The following TANC1 variants were observed in gnomAD, a reference collection of about 807,000 sequenced individuals.
The protein encoded by TANC1 is protein TANC1.
A neutral mutation model predicts 149.7 loss-of-function variants in TANC1; 77 were observed. The observed-to-expected ratio is 0.51, with a 90% CI of 0.43 to 0.62. The LOEUF is 0.62. Among genes scored for constraint, TANC1 ranks in the 20% least tolerant of loss-of-function variants. TANC1 has a pLI of 0.00. For synonymous variants in TANC1, 854 were observed against 925.0 expected (o/e 0.92, Z 1.39); for missense variants, 1,985 against 2,321.8 (o/e 0.85, Z 2.98).
intron 1 of TANC1, among the ~76,000 whole-genome samples, chr2:158,981,491 TTATATATA>T (rs10602195): frequency 0.11 from 3,903 of 34,136 alleles, 239 homozygotes; most frequent in African/African-American, 0.2. Context: ...TATATAGCTT[TTATATATA>T]TATATATATA....
At chr2:159,187,133 G>T in intron 16 of TANC1, 109 bp downstream of exon 16, 2 of 1,307,132 alleles carry the variant, frequency 1.5e-6, no homozygotes. Context: ...AGAGGACGCA[G>T]AGGAGCTTCT....
chr2:159,115,035 T>G (rs539747214), intron 4 of TANC1, among the ~76,000 whole-genome samples: 2 of 152,302 alleles, frequency 1.3e-5, no homozygotes, highest in East Asian at 3.9e-4. Flanking sequence ...GATATAAAGG[T>G]AAATAAATAC....
chr2:158,991,005 T>C (rs886908204), intron 1 of TANC1, among the ~76,000 whole-genome samples: 13 of 149,896 alleles, frequency 8.7e-5, no homozygotes, highest in African/African-American at 3.0e-4. Flanking sequence ...CCTGGGAGGA[T>C]TGCTTGAGCC....
intron 5 of TANC1, among the ~76,000 whole-genome samples, chr2:159,136,661 C>T (rs554218908): frequency 6.6e-6 from 1 of 151,934 alleles, no homozygotes; most frequent in South Asian, 2.1e-4. Context: ...CAGGCTTTGG[C>T]TGAAAAGCTG....
chr2:159,141,702 A>G (rs1048768338), intron 5 of TANC1, among the ~76,000 whole-genome samples: 5 of 152,232 alleles, frequency 3.3e-5, no homozygotes, highest in Non-Finnish European at 7.3e-5. Flanking sequence ...CTTGGAAGTA[A>G]TGCTGTGAGA....
intron 1 of TANC1, among the ~76,000 whole-genome samples, chr2:158,969,664 A>G (rs996233029): frequency 2.6e-5 from 4 of 152,188 alleles, no homozygotes; most frequent in African/African-American, 9.6e-5. Flanking sequence ...AGCTCTAGGC[A>G]TTGTGTGGTG....
chr2:159,065,550 T>G (rs574805181), intron 2 of TANC1, among the ~76,000 whole-genome samples: 2 of 152,216 alleles, frequency 1.3e-5, no homozygotes, highest in East Asian at 3.8e-4. Flanking sequence ...TGAACTGGGA[T>G]TGGGAAACTG....
Position 159,230,194 on chromosome 2 carries a change from A to G in TANC1, c.4768A>G (p.Thr1590Ala), listed in dbSNP as rs1575397600. The change falls in exon 27 of 27, where the codon ACA becomes GCA. Residue 1590 changes from threonine (T) to alanine (A), a missense_variant. This residue lies in a region of TANC1 where 920 missense variants were observed against 994.7 expected (regional missense o/e 0.92). Coordinates refer to ENST00000263635, the MANE Select transcript of TANC1 (RefSeq NM_033394.3). This position sits in a 1 kb window ranked among gnomAD's most constrained non-coding sequence, Gnocchi z 4.4. ...QHLEGTGTFT[T>A]RAGCGHFGDR... ...TTTAGAGGGAACAGGTACTTTCACT[A>G]CAAGAGCTGGTTGTGGCCACTTTGG... is the stretch of plus-strand genomic sequence containing the variant. The G allele has an allele frequency of 1.9e-6, 3 of 1,614,026 alleles. No homozygotes were observed. Among genetic ancestry groups the G allele is most frequent in the Non-Finnish European group, 2.5e-6 (3 of 1,180,026 alleles).
chr2:159,165,316 G>C (rs576993313), intron 8 of TANC1, among the ~76,000 whole-genome samples: 2 of 152,190 alleles, frequency 1.3e-5, no homozygotes, highest in African/African-American at 4.8e-5. Flanking sequence ...TAGCTTCTGC[G>C]TGTGCCCTTG....
At chr2:158,984,711 G>C (rs1399707172) in intron 1 of TANC1, among the ~76,000 whole-genome samples, 2 of 152,034 alleles carry the variant, frequency 1.3e-5, no homozygotes, top group African/African-American at 4.8e-5. Context: ...CAGTGGCTGG[G>C]GAAAGCTTCA....
intron 15 of TANC1, among the ~76,000 whole-genome samples, chr2:159,186,662 G>A (rs978791661): frequency 6.6e-6 from 1 of 152,140 alleles, no homozygotes; most frequent in African/African-American, 2.4e-5. Context: ...ACTCTCATCT[G>A]CCATCTCTCT....
chr2:159,062,835 T>C (rs923561407), intron 2 of TANC1, among the ~76,000 whole-genome samples: 18 of 150,580 alleles, frequency 1.2e-4, no homozygotes, highest in Non-Finnish European at 2.5e-4. Flanking sequence ...GGCGCGGTGG[T>C]GGGTGCCTGT....
chr2:158,980,824 G>GT (rs2149216230), intron 1 of TANC1, among the ~76,000 whole-genome samples: 1 of 149,994 alleles, frequency 6.7e-6, no homozygotes, highest in African/African-American at 2.4e-5. Flanking sequence ...CACCATTTTT[G>GT]TTTTTTGGAA....
chr2:159,006,707 C>A (rs895542576), intron 2 of TANC1, among the ~76,000 whole-genome samples: 11 of 152,042 alleles, frequency 7.2e-5, no homozygotes, highest in Admixed American at 3.9e-4. Flanking sequence ...AAGAGGAGAC[C>A]CACAGCATTT....
chr2:159,225,393 T>G, intron 23 of TANC1: 4 of 473,210 alleles, frequency 8.5e-6, no homozygotes, highest in East Asian at 4.1e-5. Flanking sequence ...TAAGGCCTCA[T>G]TTAATTAATT....
At chr2:159,228,706 C>T (rs1434093528) in intron 25 of TANC1, 90 bp from the exon 26 acceptor site, 27 of 859,136 alleles carry the variant, frequency 3.1e-5, no homozygotes, top group Non-Finnish European at 4.8e-5. Context: ...TGCCTCAGAG[C>T]GCTGCTACCC....
At chr2:159,018,094 T>G (rs1251176091) in intron 2 of TANC1, among the ~76,000 whole-genome samples, 1 of 152,164 alleles carries the variant, frequency 6.6e-6, no homozygotes, top group Non-Finnish European at 1.5e-5. Flanking sequence ...TACATAGTGC[T>G]TGGCAGGAAG....
chr2:158,988,610 T>C (rs1254798208), intron 1 of TANC1, among the ~76,000 whole-genome samples: 3 of 152,122 alleles, frequency 2.0e-5, no homozygotes, highest in African/African-American at 7.2e-5. Flanking sequence ...CCCCATCGTG[T>C]TGGGGAGGAC....
intron 4 of TANC1, among the ~76,000 whole-genome samples, chr2:159,100,176 A>C (rs1405398014): frequency 1.3e-5 from 2 of 152,244 alleles, no homozygotes; most frequent in Non-Finnish European, 2.9e-5. Context: ...GTGCTACTGC[A>C]AATGAATTAA....
Sources: allele counts gnomAD v4.1 joint callset (sites outside exome capture counted in the v4.1 genomes callset), GRCh38; gene constraint gnomAD v4.1.1; regional missense constraint gnomAD v4.1.1; non-coding constraint Gnocchi (gnomAD v3.1); transcripts MANE v1.5; gene names NCBI Gene and HGNC (gene_info 2026-07-23, HGNC 2026-07-21).